PJVK: variants seen among roughly 807,000 people sequenced by gnomAD.
PJVK encodes pejvakin.
PJVK carries 33 observed loss-of-function variants against 37.6 expected under a neutral mutation model. The observed-to-expected ratio is 0.88, with a 90% CI of 0.67 to 1.17. The LOEUF is 1.17. PJVK is among the 50% of genes most tolerant of loss of function. The probability of loss-of-function intolerance (pLI) is 0.00; values close to 1 mark genes in which losing one functional copy is unlikely to be tolerated. For missense variants in PJVK, 410 were observed against 413.8 expected (o/e 0.99, Z 0.08); for synonymous variants, 141 against 143.5 (o/e 0.98, Z 0.13).
intron 3 of PJVK, chr2:178,455,303 A>G (rs1683977221): frequency 8.9e-6 from 12 of 1,347,658 alleles, no homozygotes; most frequent in Admixed American, 1.7e-5. Context: ...GGAAAAGACA[A>G]TCTATGACCA....
At chr2:178,459,131 C>T (rs939478830) in intron 5 of PJVK, 10 of 470,352 alleles carry the variant, frequency 2.1e-5, no homozygotes, top group Non-Finnish European at 3.1e-5. Flanking sequence ...AATACTTCCT[C>T]CAAAATTGTC....
Position 178,453,390 on chromosome 2 carries a change from G to C in PJVK, c.-20G>C, listed in dbSNP as rs1191003348. On this transcript the variant is annotated splice_region_variant and 5_prime_UTR_variant, in exon 2 of 7. Transcript: ENST00000644580. ...ATGGATTTATCTGGGGGTTGCAGTT[G>C]ATGACGTTTTGATTTTAATATGTTT... is the stretch of plus-strand genomic sequence containing the variant. 1 of 1,613,784 alleles carries C rather than the reference G, an allele frequency of 6.2e-7. No individual in the cohort carries two copies. The highest frequency in any genetic ancestry group is 8.5e-7 in the Non-Finnish European group (1 of 1,179,858).
At chr2:178,454,964 C>A in intron 3 of PJVK, 1 of 931,596 alleles carries the variant, frequency 1.1e-6, no homozygotes, top group Non-Finnish European at 1.8e-6. Context: ...GGACCAAGAC[C>A]CTGTCGGAGC....
At chr2:178,452,681 A>T in intron 1 of PJVK, 1 of 964,994 alleles carries the variant, frequency 1.0e-6, no homozygotes, top group East Asian at 1.1e-4. Context: ...ATGCAGCAGG[A>T]CTCCATTTCA....
rs78615884 is a variant in PJVK at position 178,459,379 on chromosome 2, T to C, written c.667+752T>C. ...AAAACTACATGTTAAGTAAATTGTCTTTTTAAAAAATATTTTTAATTTTTG... is the reference window on the plus strand; with the variant it reads ...AAAACTACATGTTAAGTAAATTGTCCTTTTAAAAAATATTTTTAATTTTTG... On this transcript the variant is annotated intron_variant, in intron 5 of 6. Transcript: ENST00000644580. 2.2e-3 allele frequency: 717 copies of C among 330,846 alleles called. 4 individuals are homozygous for C. Among genetic ancestry groups the C allele is most frequent in the African/African-American group, 0.014 (671 of 46,490 alleles). 20.5% of individuals were successfully genotyped at this position (330,846 alleles called of 1,614,324 possible). A position where few individuals can be genotyped will look rare whatever the true frequency, so the allele number is the denominator to read the frequency against.
chr2:178,455,540 G>A (rs1027322202), intron 3 of PJVK: 8 of 758,210 alleles, frequency 1.1e-5, no homozygotes, highest in Non-Finnish European at 1.7e-5. Flanking sequence ...GCATGGGACT[G>A]GCCCAGGCAC....
Position 178,454,455 on chromosome 2 carries a change from T to C in PJVK, c.335T>C (p.Val112Ala), listed in dbSNP as rs374203077. 4 of 1,613,814 alleles carry C rather than the reference T, an allele frequency of 2.5e-6. No homozygotes were observed. Among genetic ancestry groups the C allele is most frequent in the Non-Finnish European group, 3.4e-6 (4 of 1,179,972 alleles). The part of the protein sequence containing the change: ...INVAGSDSIA[V>A]KASFGIVTKH... ...GTTGCTGGATCAGATTCCATTGCAGTGAAAGCTTCATTTGGTATAGTAACC... is the reference window on the plus strand; with the variant it reads ...GTTGCTGGATCAGATTCCATTGCAGCGAAAGCTTCATTTGGTATAGTAACC... Residue 112 changes from valine (V) to alanine (A), a missense_variant, in exon 3 of 7, where the codon GTG (valine) becomes GCG (alanine). Coordinates refer to ENST00000644580, the MANE Select transcript of PJVK (RefSeq NM_001042702.5).
intron 5 of PJVK, 126 bp from the exon 6 acceptor site, chr2:178,460,222 A>G (rs921031342): frequency 1.1e-5 from 9 of 818,096 alleles, no homozygotes; most frequent in Non-Finnish European, 1.8e-5. Context: ...ACCTTTTCCA[A>G]AAGTATGTAA....
intron 1 of PJVK, chr2:178,452,690 C>A: frequency 2.1e-6 from 2 of 949,764 alleles, no homozygotes; most frequent in Non-Finnish European, 2.5e-6. Flanking sequence ...GACTCCATTT[C>A]AAAGAGAGAG....
rs182562321 is a variant in PJVK, at chr2:178,452,641, A to G, written c.-22-747A>G. Reference sequence around the variant, plus strand: ...CTTTATATAGCTCTTGTTAAAGGTTAAGTAGCTGGGATAATAATGAAACAA... The same window carrying G: ...CTTTATATAGCTCTTGTTAAAGGTTGAGTAGCTGGGATAATAATGAAACAA... On this transcript the variant is annotated intron_variant, in intron 1 of 6. Transcript: ENST00000644580. 8.8e-4 allele frequency: 864 copies of G among 985,150 alleles called. 17 individuals are homozygous for G. In the South Asian group the frequency reaches 0.019, roughly 22 times the overall value. 61.0% of individuals were successfully genotyped at this position (985,150 alleles called of 1,614,324 possible). A position where few individuals can be genotyped will look rare whatever the true frequency, so the allele number is the denominator to read the frequency against.
chr2:178,460,518 T>G, intron 6 of PJVK, 72 bp downstream of exon 6: 2 of 1,345,234 alleles, frequency 1.5e-6, no homozygotes, highest in Non-Finnish European at 1.1e-6. Flanking sequence ...GGTTTTCTAT[T>G]CAGTAATCTC....
In PJVK at chr2:178,461,190, C is replaced by A. The variant is rs551897239; in HGVS notation, c.975C>A (p.Cys325Ter). Residue 325 changes from cysteine (C) to a stop codon, truncating the protein, a stop_gained, in exon 7 of 7, where the codon TGC becomes TGA. Coordinates refer to ENST00000644580, the MANE Select transcript of PJVK (RefSeq NM_001042702.5). LOFTEE classifies it high-confidence loss of function. ...TCAAAAGGGAGACAGTTTATGGGTG[C>A]TTTCAGTGTTCTGTTGATGGTCAGA... ...GNFKRETVYG[C>*]FQCSVDGQKY... 1 of 1,614,158 alleles carries A rather than the reference C, an allele frequency of 6.2e-7. No individual in the cohort carries two copies. Among genetic ancestry groups the A allele is most frequent in the African/African-American group, 1.3e-5 (1 of 75,042 alleles).
chr2:178,456,323 A>C (rs1043856595), intron 4 of PJVK, 172 bp downstream of exon 4: 22 of 792,520 alleles, frequency 2.8e-5, no homozygotes, highest in South Asian at 1.7e-4. Flanking sequence ...AAAAAAAAAA[A>C]CAAATCTTGG....
In PJVK at chr2:178,460,415, G is replaced by C. The variant is rs532658068; in HGVS notation, c.735G>C (p.Leu245=). 3 of 1,614,012 alleles carry C rather than the reference G, an allele frequency of 1.9e-6. No individual in the cohort carries two copies. The highest frequency in any genetic ancestry group is 1.1e-5 in the South Asian group (1 of 91,086). Residue 245 remains leucine (L), a synonymous_variant, in exon 6 of 7, where the codon CTG becomes CTC. Transcript: ENST00000644580. ...EREETATFAL[L]YRLRNILFER... ...AAGAAACGGCAACATTTGCACTGCT[G>C]TACAGGTTGAGAAATATCCTATTTG... is the stretch of plus-strand genomic sequence containing the variant.
intron 2 of PJVK, chr2:178,453,860 C>T (rs757232860): frequency 1.3e-5 from 6 of 444,788 alleles, no homozygotes; most frequent in African/African-American, 1.2e-4. Flanking sequence ...TTGTTTTAAC[C>T]AAATCAACTT....
chr2:178,451,452 A>G lies in PJVK; in HGVS notation c.-340A>G, dbSNP rs1697653912. On this transcript the variant is annotated 5_prime_UTR_variant, in exon 1 of 7. Transcript: ENST00000644580. Reference sequence around the variant, plus strand: ...AGGAGGCCGTTTCTTGCCGGGAGAGAGGGATTAGAGGGATTGTCCGGCGTG... The same window carrying G: ...AGGAGGCCGTTTCTTGCCGGGAGAGGGGGATTAGAGGGATTGTCCGGCGTG... 2 of 187,802 alleles carry G rather than the reference A, an allele frequency of 1.1e-5. No individual in the cohort carries two copies. The highest frequency in any genetic ancestry group is 2.4e-5 in the African/African-American group (1 of 42,094). 11.6% of individuals were successfully genotyped at this position (187,802 alleles called of 1,614,324 possible).
intron 5 of PJVK, chr2:178,460,116 C>G (rs761421846): frequency 1.6e-4 from 81 of 502,332 alleles, no homozygotes; most frequent in Admixed American, 6.4e-4. Flanking sequence ...CCCCTAAGCC[C>G]CTGAGGTAGA....
At position 178,454,527 on chromosome 2, in the gene PJVK, G is replaced by C. The variant is rs755088949; in HGVS notation, c.407G>C (p.Arg136Pro). Reference sequence around the variant, plus strand: ...ACATTACTCAAAGAAATTACTACACGGTCAGTATAATAATCCTAATATATT... The same window carrying C: ...ACATTACTCAAAGAAATTACTACACCGTCAGTATAATAATCCTAATATATT... ...VSTLLKEITT[R>P]KINFDHSLIR... The change falls in exon 3 of 7, where the codon CGA becomes CCA. Residue 136 changes from arginine (R) to proline (P), a missense_variant and splice_region_variant. Transcript: ENST00000644580. The C allele has an allele frequency of 3.7e-6, 6 of 1,612,104 alleles. No individual in the cohort carries two copies. Among genetic ancestry groups the C allele is most frequent in the Non-Finnish European group, 5.1e-6 (6 of 1,178,962 alleles).
At chr2:178,454,154 C>G (rs1373373460) in intron 2 of PJVK, 178 bp from the exon 3 acceptor site, 1 of 534,110 alleles carries the variant, frequency 1.9e-6, no homozygotes, top group Non-Finnish European at 3.3e-6. Context: ...AGAATTCTGG[C>G]TATGTGTTTC....
Sources: gnomAD v4.1 joint callset for allele counts on GRCh38, gnomAD v4.1.1 for gene constraint, MANE v1.5 for transcripts, NCBI Gene and HGNC (gene_info 2026-07-23, HGNC 2026-07-21) for gene names.